Variants in CCDC148 observed in about 807,000 individuals in gnomAD.
CCDC148 encodes the protein coiled-coil domain-containing protein 148.
Under a neutral mutation model 85.7 loss-of-function variants are expected in CCDC148, and 89 were observed. That is an observed-to-expected ratio of 1.04 (90% CI 0.87 to 1.24). The LOEUF is 1.24. Among genes scored for constraint, CCDC148 ranks in the 50% most tolerant of loss-of-function variants. The pLI is 0.00. For synonymous variants in CCDC148, 230 were observed against 213.9 expected (o/e 1.08, Z -0.66); for missense variants, 692 against 671.7 (o/e 1.03, Z -0.33).
At chr2:158,253,609 A>T (rs1027968522) in intron 9 of CCDC148, among the ~76,000 whole-genome samples, 1 of 151,682 alleles carries the variant, frequency 6.6e-6, no homozygotes, top group Non-Finnish European at 1.5e-5. Context: ...CTAGCAGAGT[A>T]CTGGTACATC....
intron 1 of CCDC148, among the ~76,000 whole-genome samples, chr2:158,427,414 A>G (rs1357317908): frequency 6.6e-6 from 1 of 152,226 alleles, no homozygotes; most frequent in African/African-American, 2.4e-5. Context: ...ATACAATTAT[A>G]AACAAAGTAT....
intron 9 of CCDC148, among the ~76,000 whole-genome samples, chr2:158,260,841 A>G (rs1354144388): frequency 1.3e-5 from 2 of 152,096 alleles, no homozygotes; most frequent in Admixed American, 1.3e-4. Flanking sequence ...GAGAATTACA[A>G]AACATTACTC....
At chr2:158,400,632 C>G (rs907383598) in intron 1 of CCDC148, among the ~76,000 whole-genome samples, 1 of 152,154 alleles carries the variant, frequency 6.6e-6, no homozygotes, top group Non-Finnish European at 1.5e-5. Context: ...CAATACCATT[C>G]AGGACATAGG....
chr2:158,382,050 A>C (rs1684894324), intron 1 of CCDC148, among the ~76,000 whole-genome samples: 1 of 152,120 alleles, frequency 6.6e-6, no homozygotes, highest in African/African-American at 2.4e-5. Context: ...TACAAAAGAA[A>C]TTGAAAAGTG....
At chr2:158,319,933 A>G (rs1692448239) in intron 7 of CCDC148, among the ~76,000 whole-genome samples, 1 of 152,198 alleles carries the variant, frequency 6.6e-6, no homozygotes, top group African/African-American at 2.4e-5. Context: ...TGAAGACAAG[A>G]TCATCTAGAA....
At chr2:158,198,885 T>C (rs1190218830) in intron 11 of CCDC148, among the ~76,000 whole-genome samples, 1 of 152,200 alleles carries the variant, frequency 6.6e-6, no homozygotes, top group Non-Finnish European at 1.5e-5. Context: ...AGAAGACTTC[T>C]GTTATGATGA....
chr2:158,446,642 C>T (rs946553087), intron 1 of CCDC148, among the ~76,000 whole-genome samples: 15 of 152,162 alleles, frequency 9.9e-5, no homozygotes, highest in African/African-American at 3.6e-4. Flanking sequence ...GTCTAATTTA[C>T]AATTCATAAA....
chr2:158,228,709 C>G (rs920867308), intron 10 of CCDC148, among the ~76,000 whole-genome samples: 1 of 143,350 alleles, frequency 7.0e-6, no homozygotes, highest in Admixed American at 7.6e-5. Flanking sequence ...ATCGCAAGGA[C>G]AAAAAACCAA....
intron 1 of CCDC148, among the ~76,000 whole-genome samples, chr2:158,417,050 A>C (rs6711459): frequency 0.86 from 130,227 of 152,044 alleles, 57,444 homozygotes; most frequent in Non-Finnish European, 0.96. Context: ...TTTAAACAAC[A>C]AGATATCATG....
intron 2 of CCDC148, among the ~76,000 whole-genome samples, chr2:158,355,282 T>A (rs1486758680): frequency 2.0e-5 from 3 of 152,002 alleles, no homozygotes; most frequent in African/African-American, 7.3e-5. Flanking sequence ...AAAGAGGAAG[T>A]CAAATTGTCC....
chr2:158,385,387 T>C (rs1056411172), intron 1 of CCDC148, among the ~76,000 whole-genome samples: 2 of 152,172 alleles, frequency 1.3e-5, no homozygotes, highest in African/African-American at 4.8e-5. Context: ...CTCCTAGAAT[T>C]ATACTACACA....
intron 9 of CCDC148, among the ~76,000 whole-genome samples, chr2:158,292,460 T>C (rs968301604): frequency 1.3e-5 from 2 of 152,238 alleles, no homozygotes; most frequent in Non-Finnish European, 2.9e-5. Flanking sequence ...TGAAAATAAA[T>C]GATACATTTA....
intron 1 of CCDC148, among the ~76,000 whole-genome samples, chr2:158,438,273 C>T (rs545398252): frequency 6.6e-6 from 1 of 151,926 alleles, no homozygotes; most frequent in East Asian, 1.9e-4. Context: ...GTACCAAAAC[C>T]GAGATATAGA....
intron 1 of CCDC148, among the ~76,000 whole-genome samples, chr2:158,362,896 A>T (rs1684024898): frequency 1.3e-5 from 2 of 152,184 alleles, no homozygotes; most frequent in African/African-American, 4.8e-5. Flanking sequence ...ATTTTTTGAA[A>T]AAATTAACAA....
At chr2:158,198,494 T>C (rs997310408) in intron 11 of CCDC148, among the ~76,000 whole-genome samples, 10 of 152,212 alleles carry the variant, frequency 6.6e-5, no homozygotes, top group Non-Finnish European at 1.3e-4. Flanking sequence ...ATGGTCATTA[T>C]ATTCATTTTC....
intron 3 of CCDC148, among the ~76,000 whole-genome samples, chr2:158,340,980 C>T (rs1019124026): frequency 5.3e-5 from 8 of 152,018 alleles, no homozygotes; most frequent in African/African-American, 1.5e-4. Flanking sequence ...TCCTCAGATC[C>T]GTGTTTCAGA....
chr2:158,341,304 T>C (rs996202587), intron 3 of CCDC148, among the ~76,000 whole-genome samples: 19 of 111,460 alleles, frequency 1.7e-4, no homozygotes, highest in African/African-American at 6.3e-4. Flanking sequence ...TATGTGTACA[T>C]ACATATTTTT....
intron 8 of CCDC148, among the ~76,000 whole-genome samples, chr2:158,309,917 T>G (rs1282226837): frequency 1.3e-5 from 2 of 152,214 alleles, no homozygotes; most frequent in Non-Finnish European, 2.9e-5. Context: ...CTAAAACCAC[T>G]TTATTTTTTA....
intron 1 of CCDC148, among the ~76,000 whole-genome samples, chr2:158,423,707 T>C (rs761825739): frequency 7.2e-5 from 11 of 152,138 alleles, no homozygotes; most frequent in Admixed American, 2.0e-4. Flanking sequence ...CAAGCCACAA[T>C]TGACAAATGG....
Sources: gnomAD v4.1 joint callset for allele counts (sites outside exome capture counted in the v4.1 genomes callset) on GRCh38, gnomAD v4.1.1 for gene constraint, MANE v1.5 for transcripts, NCBI Gene and HGNC (gene_info 2026-07-23, HGNC 2026-07-21) for gene names.